Variants in ANXA8 observed in about 807,000 individuals in gnomAD.
ANXA8 encodes annexin A8, also known as VAC-beta.
A neutral mutation model predicts 26.8 loss-of-function variants in ANXA8; 9 were observed. The ratio of observed to expected loss-of-function variants is 0.34; its 90% CI spans 0.20 to 0.59. ANXA8 has a LOEUF of 0.59. Ranked by LOEUF, ANXA8 falls within the 20% of genes least tolerant of loss-of-function variation. ANXA8 has a pLI of 0.84. For missense variants in ANXA8, 83 were observed against 238.5 expected, an observed-to-expected ratio of 0.35 and a Z score of 4.29; for synonymous variants, 39 against 94.8, an observed-to-expected ratio of 0.41 and a Z score of 3.42.
the ANXA8 span, among the ~76,000 whole-genome samples, chr10:47,733,151 T>C: frequency 0.01 from 760 of 73,340 alleles, 5 homozygotes; most frequent in African/African-American, 0.039. Context: ...TAATCTTTCT[T>C]TCTTTCTTTC....
At chr10:47,943,449 A>G in the ANXA8 span, among the ~76,000 whole-genome samples, 1 of 146,322 alleles carries the variant, frequency 6.8e-6, no homozygotes, top group Non-Finnish European at 1.5e-5. Flanking sequence ...ACTTTAGCAG[A>G]ACAAAAGAAG....
the ANXA8 span, chr10:47,502,486 C>A: frequency 2.5e-6 from 4 of 1,613,122 alleles, no homozygotes; most frequent in Non-Finnish European, 3.4e-6. Context: ...CTGCCCCTGG[C>A]TGCTCCCTTC....
chr10:47,721,336 A>G, the ANXA8 span, among the ~76,000 whole-genome samples: 1 of 139,836 alleles, frequency 7.2e-6, no homozygotes, highest in Non-Finnish European at 1.6e-5. Context: ...TTGAATCTTT[A>G]GTTTACAAAA....
At chr10:47,707,550 C>T in the ANXA8 span, among the ~76,000 whole-genome samples, 10 of 140,232 alleles carry the variant, frequency 7.1e-5, no homozygotes, top group African/African-American at 2.5e-4. Flanking sequence ...CCATGCCCAG[C>T]TAATTTTTGT....
the ANXA8 span, among the ~76,000 whole-genome samples, chr10:47,733,262 T>TCTTTCTTTCTTC: frequency 2.2e-4 from 24 of 110,490 alleles, 1 homozygote; most frequent in Non-Finnish European, 9.2e-5. Context: ...TTTCTTTCTT[T>TCTTTCTTTCTTC]CTTTCTTTCT....
chr10:47,528,400 A>G, the ANXA8 span, among the ~76,000 whole-genome samples: 1 of 122,594 alleles, frequency 8.2e-6, no homozygotes, highest in African/African-American at 3.3e-5. Context: ...AAAAAAAAAA[A>G]TACTGTGGGA....
chr10:47,670,243 G>A, the ANXA8 span, among the ~76,000 whole-genome samples: 1 of 151,752 alleles, frequency 6.6e-6, no homozygotes, highest in African/African-American at 2.4e-5. Flanking sequence ...ATCACATTTT[G>A]TTTATCTGTT....
the ANXA8 span, among the ~76,000 whole-genome samples, chr10:47,492,254 G>C: frequency 6.7e-6 from 1 of 149,820 alleles, no homozygotes; most frequent in Middle Eastern, 3.5e-3. Context: ...GGGCGTTCAG[G>C]GTGGTGCCTT....
the ANXA8 span, among the ~76,000 whole-genome samples, chr10:47,953,924 C>A: frequency 6.7e-6 from 1 of 149,490 alleles, no homozygotes; most frequent in Non-Finnish European, 1.5e-5. Flanking sequence ...AAAAGTGAAC[C>A]CTTATACACT....
chr10:47,585,419 A>G, the ANXA8 span, among the ~76,000 whole-genome samples: 1 of 138,432 alleles, frequency 7.2e-6, no homozygotes, highest in Non-Finnish European at 1.5e-5. Context: ...CTGAATAAAG[A>G]TCAGACTCCT....
At chr10:47,552,572 G>A in the ANXA8 span, among the ~76,000 whole-genome samples, 2 of 152,086 alleles carry the variant, frequency 1.3e-5, no homozygotes, top group African/African-American at 4.8e-5. Flanking sequence ...ATATCTGTAT[G>A]TGTGAGATAT....
At chr10:47,589,392 C>A in the ANXA8 span, 1 of 146,310 alleles carries the variant, frequency 6.8e-6, no homozygotes, top group African/African-American at 2.8e-5. Context: ...AGGAGGGACC[C>A]AGACACAGTA....
chr10:47,586,698 G>A, the ANXA8 span, among the ~76,000 whole-genome samples: 1 of 145,862 alleles, frequency 6.9e-6, no homozygotes, highest in African/African-American at 2.8e-5. Flanking sequence ...GGTGACAGAG[G>A]TGAAGGAGGG....
At chr10:47,720,428 C>G in the ANXA8 span, among the ~76,000 whole-genome samples, 1 of 146,932 alleles carries the variant, frequency 6.8e-6, no homozygotes, top group Non-Finnish European at 1.5e-5. Context: ...ATGATGTCAC[C>G]TCTGAGTTGT....
chr10:47,958,649 T>C, the ANXA8 span, among the ~76,000 whole-genome samples: 1 of 147,868 alleles, frequency 6.8e-6, no homozygotes, highest in Non-Finnish European at 1.5e-5. Context: ...CCGGAGGTAC[T>C]CCCCGGCTAA....
chr10:47,515,760 T>C, the ANXA8 span, among the ~76,000 whole-genome samples: 3 of 139,176 alleles, frequency 2.2e-5, no homozygotes, highest in Admixed American at 7.3e-5. Flanking sequence ...GAGATCCTTC[T>C]CAGAAGAAAC....
chr10:47,506,404 C>T, the ANXA8 span, among the ~76,000 whole-genome samples: 5 of 139,812 alleles, frequency 3.6e-5, 1 homozygote, highest in East Asian at 1.4e-3. Flanking sequence ...GATCTCGGCT[C>T]ACTGCAACCT....
At chr10:47,539,363 C>T in the ANXA8 span, among the ~76,000 whole-genome samples, 426 of 108,398 alleles carry the variant, frequency 3.9e-3, 81 homozygotes, top group Non-Finnish European at 5.8e-3. Context: ...GTAGAGGATT[C>T]GTCTTCCAAT....
chr10:47,744,413 G>C, the ANXA8 span, among the ~76,000 whole-genome samples: 1 of 3,976 alleles, frequency 2.5e-4, no homozygotes, highest in African/African-American at 8.1e-4. Context: ...GCTCCTGGTG[G>C]GGGGGGGGTT....
Sources: allele counts gnomAD v4.1 joint callset (sites outside exome capture counted in the v4.1 genomes callset), GRCh38; gene constraint gnomAD v4.1.1; transcripts MANE v1.5; gene names NCBI Gene and HGNC (gene_info 2026-07-23, HGNC 2026-07-21).